Variants in VPS8 observed in about 807,000 individuals in gnomAD.
VPS8 encodes VPS8 subunit of CORVET complex.
A neutral mutation model predicts 216.4 loss-of-function variants in VPS8; 129 were observed. That is an observed-to-expected ratio of 0.60 (90% CI 0.52 to 0.69). The LOEUF is 0.69. Ranked by LOEUF, VPS8 falls within the 30% of genes least tolerant of loss-of-function variation. The probability of loss-of-function intolerance (pLI) is 0.00; values close to 1 mark genes in which losing one functional copy is unlikely to be tolerated. For synonymous variants in VPS8, 571 were observed against 565.4 expected (o/e 1.01, Z -0.14); for missense variants, 1,531 against 1,683.5 (o/e 0.91, Z 1.59).
chr3:184,923,651 C>T (rs147262425), intron 29 of VPS8, among the ~76,000 whole-genome samples: 101 of 152,300 alleles, frequency 6.6e-4, no homozygotes, highest in African/African-American at 2.3e-3. Flanking sequence ...CTTAGGATGA[C>T]ATTTGAGACC....
intron 46 of VPS8, among the ~76,000 whole-genome samples, chr3:185,039,689 A>G (rs549416210): frequency 3.9e-5 from 6 of 152,208 alleles, no homozygotes; most frequent in Non-Finnish European, 5.9e-5. Context: ...AGTAGAAGAA[A>G]AGAGAAGGTC....
intron 46 of VPS8, among the ~76,000 whole-genome samples, chr3:185,035,509 A>G (rs1013592564): frequency 6.6e-6 from 1 of 152,186 alleles, no homozygotes; most frequent in Non-Finnish European, 1.5e-5. Context: ...AGCAAAAACA[A>G]TATGATCATC....
At chr3:184,881,226 A>G (rs1001580430) in intron 21 of VPS8, among the ~76,000 whole-genome samples, 1 of 152,154 alleles carries the variant, frequency 6.6e-6, no homozygotes, top group Admixed American at 6.5e-5. Context: ...TGCCTAGCCT[A>G]AGATCCTGAA....
chr3:184,842,853 T>C (rs1325629358), intron 7 of VPS8, among the ~76,000 whole-genome samples: 1 of 152,186 alleles, frequency 6.6e-6, no homozygotes, highest in Non-Finnish European at 1.5e-5. Context: ...ATATTGGTAC[T>C]TACCTTATAC....
chr3:184,960,475 A>G (rs959647414), intron 37 of VPS8, among the ~76,000 whole-genome samples: 3 of 152,224 alleles, frequency 2.0e-5, no homozygotes, highest in Non-Finnish European at 4.4e-5. Context: ...ATAACCCAAA[A>G]TATGACTGAT....
At chr3:184,825,819 T>G (rs970255850) in intron 2 of VPS8, among the ~76,000 whole-genome samples, 1 of 151,814 alleles carries the variant, frequency 6.6e-6, no homozygotes, top group African/African-American at 2.4e-5. Flanking sequence ...CAGAATTGCT[T>G]GAACCCGGGA....
intron 45 of VPS8, among the ~76,000 whole-genome samples, chr3:185,006,624 T>C (rs1033716392): frequency 6.6e-6 from 1 of 152,242 alleles, no homozygotes; most frequent in Admixed American, 6.5e-5. Context: ...TAAATTTTGT[T>C]ATATGAAAGT....
rs776927628 is a variant in VPS8, at chr3:184,824,434, G to A, written c.-88-111G>A. ...GTTAATTTCAGTTTGCCTGCAATCGGATGTTTAGGTGAAATCTGACCAAGT... is the reference window on the plus strand; with the variant it reads ...GTTAATTTCAGTTTGCCTGCAATCGAATGTTTAGGTGAAATCTGACCAAGT... On this transcript the variant is annotated intron_variant, in intron 1 of 47. Transcript: ENST00000625842. 5.9e-4 allele frequency: 336 copies of A among 573,834 alleles called. 2 individuals are homozygous for A. Among genetic ancestry groups the A allele is most frequent in the Non-Finnish European group, 1.1e-4 (36 of 330,388 alleles). 35.5% of individuals were successfully genotyped at this position (573,834 alleles called of 1,614,324 possible). A position where few individuals can be genotyped will look rare whatever the true frequency, so the allele number is the denominator to read the frequency against.
At chr3:184,867,329 G>C (rs1256088892) in intron 17 of VPS8, among the ~76,000 whole-genome samples, 1 of 152,136 alleles carries the variant, frequency 6.6e-6, no homozygotes, top group Non-Finnish European at 1.5e-5. Flanking sequence ...TGAGGTATTT[G>C]ACTTAGAATA....
intron 34 of VPS8, 29 bp downstream of exon 34, chr3:184,930,597 C>A: frequency 6.6e-7 from 1 of 1,516,344 alleles, no homozygotes; most frequent in Non-Finnish European, 9.2e-7. Flanking sequence ...TCACACTTCA[C>A]CATCTGAACG....
chr3:184,894,959 TA>T, intron 23 of VPS8, 34 bp downstream of exon 23: 3 of 1,524,836 alleles, frequency 2.0e-6, no homozygotes, highest in Non-Finnish European at 2.7e-6. Flanking sequence ...ACTTATGAAA[TA>T]AACTTCATTC....
intron 23 of VPS8, among the ~76,000 whole-genome samples, chr3:184,895,307 C>T (rs1166501952): frequency 6.6e-6 from 1 of 151,964 alleles, no homozygotes; most frequent in Non-Finnish European, 1.5e-5. Context: ...GCTGCTTTCT[C>T]ATGAATTGTA....
intron 46 of VPS8, among the ~76,000 whole-genome samples, chr3:185,047,463 A>T (rs1453925059): frequency 6.6e-6 from 1 of 152,224 alleles, no homozygotes; most frequent in African/African-American, 2.4e-5. Flanking sequence ...TAGGCTGATG[A>T]ACTCTGCAGT....
chr3:184,886,925 A>G (rs1009353499), intron 22 of VPS8, among the ~76,000 whole-genome samples: 2 of 152,176 alleles, frequency 1.3e-5, no homozygotes, highest in Admixed American at 1.3e-4. Flanking sequence ...AGTATTTTAT[A>G]CTATTCAAAA....
chr3:184,970,923 T>C (rs1748300241), intron 39 of VPS8, among the ~76,000 whole-genome samples: 1 of 152,150 alleles, frequency 6.6e-6, no homozygotes, highest in East Asian at 1.9e-4. Context: ...TCAACAAATA[T>C]TCGCAAGTTA....
At chr3:184,998,133 C>T (rs1752868406) in intron 44 of VPS8, among the ~76,000 whole-genome samples, 1 of 152,070 alleles carries the variant, frequency 6.6e-6, no homozygotes, top group South Asian at 2.1e-4. Context: ...GGAGCTGGCC[C>T]AAGTCTAACT....
At chr3:184,906,556 A>G (rs1361409726) in intron 25 of VPS8, among the ~76,000 whole-genome samples, 1 of 152,194 alleles carries the variant, frequency 6.6e-6, no homozygotes, top group Non-Finnish European at 1.5e-5. Context: ...ATATGGGGTA[A>G]TTGAAGGACT....
At chr3:185,022,301 C>T (rs557600543) in intron 45 of VPS8, among the ~76,000 whole-genome samples, 1 of 152,290 alleles carries the variant, frequency 6.6e-6, no homozygotes, top group African/African-American at 2.4e-5. Flanking sequence ...ATTGCCCAGT[C>T]ACAGGAATTT....
intron 16 of VPS8, 125 bp from the exon 17 acceptor site, chr3:184,866,751 T>G (rs188522453): frequency 1.2e-6 from 1 of 828,262 alleles, no homozygotes; most frequent in Non-Finnish European, 1.9e-6. Context: ...AAGTTACACA[T>G]TGTAAACTAT....
Sources: allele counts gnomAD v4.1 joint callset (sites outside exome capture counted in the v4.1 genomes callset), GRCh38; gene constraint gnomAD v4.1.1; transcripts MANE v1.5; gene names NCBI Gene and HGNC (gene_info 2026-07-23, HGNC 2026-07-21).